Variants in MAPKAPK2 observed in about 807,000 individuals in gnomAD.
The protein encoded by MAPKAPK2 is MAP kinase-activated protein kinase 2.
Under a neutral mutation model 48.8 loss-of-function variants are expected in MAPKAPK2, and 9 were observed. The observed-to-expected ratio is 0.18, with a 90% CI of 0.11 to 0.32. The LOEUF (loss-of-function observed/expected upper bound fraction) is 0.32. Ranked by LOEUF, MAPKAPK2 falls within the 10% of genes least tolerant of loss-of-function variation. The pLI, the probability that MAPKAPK2 is intolerant of heterozygous loss-of-function variation, is 1.00. For synonymous variants in MAPKAPK2, 202 were observed against 190.6 expected, an observed-to-expected ratio of 1.06 and a Z score of -0.49; for missense variants, 331 against 498.3, an observed-to-expected ratio of 0.66 and a Z score of 3.20.
At chr1:206,696,579 C>T (rs1468891146) in intron 1 of MAPKAPK2, among the ~76,000 whole-genome samples, 1 of 152,076 alleles carries the variant, frequency 6.6e-6, no homozygotes, top group Non-Finnish European at 1.5e-5. Flanking sequence ...TGGCACATAC[C>T]CATAGTTTCA....
intron 1 of MAPKAPK2, among the ~76,000 whole-genome samples, chr1:206,712,341 G>C (rs1673183052): frequency 6.6e-6 from 1 of 152,222 alleles, no homozygotes; most frequent in Non-Finnish European, 1.5e-5. Flanking sequence ...GTATAAGAAG[G>C]TTAGGAAAGG....
At chr1:206,727,355 T>G (rs1387371079) in intron 1 of MAPKAPK2, among the ~76,000 whole-genome samples, 1 of 152,198 alleles carries the variant, frequency 6.6e-6, no homozygotes, top group Non-Finnish European at 1.5e-5. Flanking sequence ...AGGATGCTTT[T>G]GGCTCCAAGC....
Position 206,732,537 on chromosome 1 carries a change from C to A in MAPKAPK2, c.1060-38C>A. 6.2e-7 allele frequency: 1 copy of A among 1,607,092 alleles called. No individual in the cohort carries two copies. Among genetic ancestry groups the A allele is most frequent in the Non-Finnish European group, 8.5e-7 (1 of 1,175,474 alleles). On this transcript the variant is annotated intron_variant, in intron 9 of 9. Transcript: ENST00000367103. The surrounding 1 kb of genome is among the most constrained non-coding windows in gnomAD (Gnocchi z 4.4). ...GCTGTCTCTCCTACCTGTCTTCTGG[C>A]TCTCTCTGTACCCTTCCTGGTGCTG...
At chr1:206,699,958 TTCTCTC>T (rs59368306) in intron 1 of MAPKAPK2, among the ~76,000 whole-genome samples, 2 of 150,226 alleles carry the variant, frequency 1.3e-5, no homozygotes, top group African/African-American at 4.9e-5. Flanking sequence ...TTTCGTTTCT[TTCTCTC>T]TCTCTCTCTT....
chr1:206,690,902 C>T (rs1275893564), intron 1 of MAPKAPK2, among the ~76,000 whole-genome samples: 1 of 152,208 alleles, frequency 6.6e-6, no homozygotes, highest in Admixed American at 6.5e-5. Flanking sequence ...TACTTCAGGC[C>T]CTGCCAAGTG....
chr1:206,692,809 A>C (rs1553426488), intron 1 of MAPKAPK2, among the ~76,000 whole-genome samples: 1 of 152,244 alleles, frequency 6.6e-6, no homozygotes, highest in African/African-American at 2.4e-5. Flanking sequence ...CTCTGTGGCC[A>C]GTGTCCATCC....
chr1:206,711,020 A>G (rs1467975424), intron 1 of MAPKAPK2, among the ~76,000 whole-genome samples: 3 of 152,238 alleles, frequency 2.0e-5, no homozygotes, highest in Non-Finnish European at 4.4e-5. Context: ...AATGTCGTGG[A>G]AAAATCATAA....
intron 1 of MAPKAPK2, among the ~76,000 whole-genome samples, chr1:206,715,449 T>G (rs1453093959): frequency 1.3e-5 from 2 of 152,174 alleles, no homozygotes; most frequent in Non-Finnish European, 2.9e-5. Flanking sequence ...TCCCTGACAT[T>G]TGTGGCTGCC....
chr1:206,712,173 T>G (rs1433809281), intron 1 of MAPKAPK2, among the ~76,000 whole-genome samples: 1 of 152,220 alleles, frequency 6.6e-6, no homozygotes, highest in Non-Finnish European at 1.5e-5. Flanking sequence ...TTCCTTGTTC[T>G]TAGAAGCAGC....
chr1:206,720,105 C>G (rs539651605), intron 1 of MAPKAPK2, among the ~76,000 whole-genome samples: 1 of 152,272 alleles, frequency 6.6e-6, no homozygotes, highest in East Asian at 1.9e-4. Flanking sequence ...CTCTCTGGCT[C>G]CAGATCTTCC....
chr1:206,720,279 A>G (rs1484785425), intron 1 of MAPKAPK2, among the ~76,000 whole-genome samples: 4 of 152,258 alleles, frequency 2.6e-5, no homozygotes, highest in Non-Finnish European at 1.5e-5. Context: ...ATAATAAAGG[A>G]AATTAAATCT....
At chr1:206,706,983 G>C (rs1182797205) in intron 1 of MAPKAPK2, among the ~76,000 whole-genome samples, 1 of 152,152 alleles carries the variant, frequency 6.6e-6, no homozygotes, top group Non-Finnish European at 1.5e-5. Context: ...GCCCCGAACA[G>C]CTTGGCAGCC....
chr1:206,706,278 C>T (rs1431200391), intron 1 of MAPKAPK2, among the ~76,000 whole-genome samples: 1 of 152,058 alleles, frequency 6.6e-6, no homozygotes, highest in Non-Finnish European at 1.5e-5. Context: ...TTGCCCTCTC[C>T]CTGCCTTTCC....
chr1:206,690,430 G>A (rs1672422807), intron 1 of MAPKAPK2, among the ~76,000 whole-genome samples: 1 of 152,264 alleles, frequency 6.6e-6, no homozygotes, highest in Non-Finnish European at 1.5e-5. Flanking sequence ...TGGCTGACAG[G>A]AGGGGAGAGA....
At chr1:206,698,057 C>T (rs1432807698) in intron 1 of MAPKAPK2, among the ~76,000 whole-genome samples, 8 of 152,246 alleles carry the variant, frequency 5.3e-5, no homozygotes, top group African/African-American at 1.9e-4. Flanking sequence ...GGCCTGGGTC[C>T]CAGGGAGCCT....
chr1:206,698,407 A>G (rs1408228289), intron 1 of MAPKAPK2, among the ~76,000 whole-genome samples: 1 of 152,184 alleles, frequency 6.6e-6, no homozygotes, highest in Non-Finnish European at 1.5e-5. Context: ...TACCTTCTAT[A>G]CCCTTGAGAT....
At chr1:206,716,261 G>A (rs1262179877) in intron 1 of MAPKAPK2, among the ~76,000 whole-genome samples, 3 of 152,106 alleles carry the variant, frequency 2.0e-5, no homozygotes, top group South Asian at 2.1e-4. Context: ...GCATGACCTC[G>A]ACTTCTCTCT....
intron 1 of MAPKAPK2, among the ~76,000 whole-genome samples, chr1:206,719,245 G>C (rs1374545982): frequency 6.6e-6 from 1 of 152,160 alleles, no homozygotes; most frequent in Non-Finnish European, 1.5e-5. Context: ...TTGACTTTTT[G>C]TTGAGCCCTA....
intron 1 of MAPKAPK2, among the ~76,000 whole-genome samples, chr1:206,687,289 G>A (rs1558570728): frequency 6.6e-6 from 1 of 152,194 alleles, no homozygotes; most frequent in Non-Finnish European, 1.5e-5. Flanking sequence ...ATGCTTTTGA[G>A]TGGCAATTCA....
Sources: gnomAD v4.1 joint callset for allele counts (sites outside exome capture counted in the v4.1 genomes callset) on GRCh38, gnomAD v4.1.1 for gene constraint, Gnocchi (gnomAD v3.1) non-coding constraint, MANE v1.5 for transcripts, NCBI Gene and HGNC (gene_info 2026-07-23, HGNC 2026-07-21) for gene names.